The following DNAH14 variants were observed in gnomAD, a reference collection of about 807,000 sequenced individuals.
DNAH14 encodes the protein dynein axonemal heavy chain 14, also known as axonemal beta dynein heavy chain 14.
DNAH14 carries 478 observed loss-of-function variants against 520.9 expected under a neutral mutation model. The observed-to-expected ratio is 0.92, with a 90% CI of 0.85 to 0.99. DNAH14 has a LOEUF of 0.99. DNAH14 is among the 50% of genes least tolerant of loss of function. DNAH14 has a pLI of 0.00. For synonymous variants in DNAH14, 1,581 were observed against 1,757.2 expected (o/e 0.90, Z 2.51); for missense variants, 4,831 against 5,234.5 (o/e 0.92, Z 2.38).
At chr1:225,008,118 C>A (rs940954809) in intron 10 of DNAH14, among the ~76,000 whole-genome samples, 13 of 152,118 alleles carry the variant, frequency 8.5e-5, no homozygotes, top group African/African-American at 3.1e-4. Flanking sequence ...TGTTCCCCTC[C>A]CTGTGCCCAT....
Position 225,080,660 on chromosome 1 carries a change from G to A in DNAH14, c.3048G>A (p.Trp1016Ter). The change falls in exon 19 of 86, where the codon TGG (tryptophan) becomes TGA (stop). Residue 1016 changes from tryptophan to a stop codon, truncating the protein, a stop_gained. Transcript: ENST00000682510. LOFTEE classifies it high-confidence loss of function. ...QEEWKRASWE[W>*]RNSSLQSIDV... ...AGTGGAAGCGAGCCTCTTGGGAATGGAGGAATAGTTCTCTTCAAAGTATTG... is the reference window on the plus strand; with the variant it reads ...AGTGGAAGCGAGCCTCTTGGGAATGAAGGAATAGTTCTCTTCAAAGTATTG... The A allele has an allele frequency of 1.3e-6, 2 of 1,551,998 alleles. No individual in the cohort carries two copies. The highest frequency in any genetic ancestry group is 1.7e-6 in the Non-Finnish European group (2 of 1,147,024).
At chr1:225,160,694 A>G (rs1444734716) in intron 35 of DNAH14, among the ~76,000 whole-genome samples, 2 of 152,116 alleles carry the variant, frequency 1.3e-5, no homozygotes, top group Non-Finnish European at 2.9e-5. Flanking sequence ...CTATCTTAAG[A>G]TTCTTTCAGT....
At chr1:225,316,039 G>T (rs2094461776) in intron 60 of DNAH14, among the ~76,000 whole-genome samples, 1 of 152,240 alleles carries the variant, frequency 6.6e-6, no homozygotes, top group African/African-American at 2.4e-5. Flanking sequence ...TTCTTTCAGA[G>T]ATGCCCTGCC....
intron 60 of DNAH14, among the ~76,000 whole-genome samples, chr1:225,317,615 C>T (rs1047671611): frequency 9.9e-5 from 15 of 151,346 alleles, no homozygotes; most frequent in Admixed American, 7.9e-4. Flanking sequence ...ATACAACTCC[C>T]AGTAAAAAAG....
intron 55 of DNAH14, among the ~76,000 whole-genome samples, chr1:225,290,957 A>G (rs2093874591): frequency 6.6e-6 from 1 of 151,860 alleles, no homozygotes; most frequent in Non-Finnish European, 1.5e-5. Flanking sequence ...GCTATAGGTT[A>G]GTAGAACTTA....
chr1:225,335,992 CATATGCATATAT>C (rs1438034700), intron 66 of DNAH14, among the ~76,000 whole-genome samples: 7,495 of 133,498 alleles, frequency 0.056, 657 homozygotes, highest in African/African-American at 0.18. Flanking sequence ...TATATACACA[CATATGCATATAT>C]GTATACGCAT....
At chr1:224,944,797 C>A (rs1214378458) in intron 1 of DNAH14, among the ~76,000 whole-genome samples, 1 of 152,178 alleles carries the variant, frequency 6.6e-6, no homozygotes, top group Non-Finnish European at 1.5e-5. Context: ...AAATTCTTTT[C>A]TTTAAGAATG....
chr1:225,283,439 AAG>A (rs2093668807), intron 54 of DNAH14, among the ~76,000 whole-genome samples: 1 of 124,128 alleles, frequency 8.1e-6, no homozygotes, highest in Non-Finnish European at 1.8e-5. Flanking sequence ...TGAGACCAAA[AAG>A]AAAAAAAAAA....
At chr1:225,204,872 A>G (rs2087323457) in intron 39 of DNAH14, among the ~76,000 whole-genome samples, 1 of 152,090 alleles carries the variant, frequency 6.6e-6, no homozygotes, top group African/African-American at 2.4e-5. Flanking sequence ...CTTCTACTTT[A>G]CTGAATATTT....
chr1:225,191,412 C>T (rs1559239142), intron 37 of DNAH14, among the ~76,000 whole-genome samples: 1 of 151,916 alleles, frequency 6.6e-6, no homozygotes, highest in Non-Finnish European at 1.5e-5. Flanking sequence ...GCCTTCTGGC[C>T]TTTGTGCTTT....
chr1:224,960,204 C>A lies in DNAH14; in HGVS notation c.269C>A (p.Ala90Asp). 6.2e-7 allele frequency: 1 copy of A among 1,608,628 alleles called. No individual in the cohort carries two copies. The highest frequency in any genetic ancestry group is 8.5e-7 in the Non-Finnish European group (1 of 1,178,088). Residue 90 changes from alanine to aspartate, a missense_variant, in exon 4 of 86, where the codon GCT becomes GAT. Coordinates refer to ENST00000682510, the MANE Select transcript of DNAH14 (RefSeq NM_001367479.1). ...IQQHMVSPEPASLKEKGKSRR... is the reference protein window; with the variant it reads ...IQQHMVSPEPDSLKEKGKSRR... ...CAACATATGGTTTCTCCAGAGCCAG[C>A]TTCCCTTAAGGAGAAAGGGAAGTCA...
intron 13 of DNAH14, 49 bp downstream of exon 13, chr1:225,043,163 C>T (rs527819755): frequency 3.4e-6 from 5 of 1,490,510 alleles, no homozygotes; most frequent in Non-Finnish European, 4.5e-6. Context: ...GGTGTGGTGG[C>T]TCATGCCTGC....
intron 41 of DNAH14, among the ~76,000 whole-genome samples, chr1:225,210,009 C>G (rs2088145405): frequency 6.6e-6 from 1 of 152,120 alleles, no homozygotes; most frequent in South Asian, 2.1e-4. Context: ...AACCTGCAGA[C>G]CAGGAGATTC....
At chr1:224,939,913 A>G (rs111269643) in intron 1 of DNAH14, among the ~76,000 whole-genome samples, 17 of 152,262 alleles carry the variant, frequency 1.1e-4, no homozygotes, top group African/African-American at 4.1e-4. Context: ...ATCATTTGTC[A>G]CATATATGTT....
At chr1:225,005,671 G>C (rs2501128) in intron 9 of DNAH14, among the ~76,000 whole-genome samples, 1 of 151,848 alleles carries the variant, frequency 6.6e-6, no homozygotes, top group Non-Finnish European at 1.5e-5. Context: ...GTTGTGGGAA[G>C]ATACATTTAT....
intron 38 of DNAH14, among the ~76,000 whole-genome samples, chr1:225,196,245 C>G (rs1000428076): frequency 6.6e-6 from 1 of 152,070 alleles, no homozygotes; most frequent in Non-Finnish European, 1.5e-5. Context: ...GCTTAGCTCC[C>G]CCTTATAAGT....
At chr1:225,154,893 T>C (rs2080875547) in intron 34 of DNAH14, among the ~76,000 whole-genome samples, 1 of 152,050 alleles carries the variant, frequency 6.6e-6, no homozygotes, top group African/African-American at 2.4e-5. Context: ...TTGTAACTCA[T>C]ATTACACATA....
At chr1:225,027,067 A>G in intron 11 of DNAH14, among the ~76,000 whole-genome samples, 1 of 152,054 alleles carries the variant, frequency 6.6e-6, no homozygotes, top group African/African-American at 2.4e-5. Flanking sequence ...CATTGCCAGC[A>G]TATTGAAATA....
intron 4 of DNAH14, among the ~76,000 whole-genome samples, 196 bp from the exon 5 acceptor site, chr1:224,964,283 C>T (rs977091744): frequency 6.6e-6 from 1 of 152,126 alleles, no homozygotes; most frequent in African/African-American, 2.4e-5. Flanking sequence ...TTCTTAAATT[C>T]ATAAATATTA....
Sources: gnomAD v4.1 joint callset for allele counts (sites outside exome capture counted in the v4.1 genomes callset) on GRCh38, gnomAD v4.1.1 for gene constraint, MANE v1.5 for transcripts, NCBI Gene and HGNC (gene_info 2026-07-23, HGNC 2026-07-21) for gene names.